Variants in IL23R observed in about 807,000 individuals in gnomAD.
The protein encoded by IL23R is interleukin 23 receptor.
In IL23R, 34 loss-of-function variants were observed where a neutral mutation model predicts 56.9. That is an observed-to-expected ratio of 0.60 (90% CI 0.45 to 0.80). The LOEUF (loss-of-function observed/expected upper bound fraction) is 0.80. IL23R is among the 30% of genes least tolerant of loss of function. IL23R has a pLI of 0.00. For missense variants in IL23R, 635 were observed against 730.0 expected, an observed-to-expected ratio of 0.87 and a Z score of 1.50; for synonymous variants, 230 against 249.2, an observed-to-expected ratio of 0.92 and a Z score of 0.73.
In IL23R at chr1:67,236,744, T is replaced by A; in HGVS notation, c.987T>A (p.His329Gln). 4 of 1,613,636 alleles carry A rather than the reference T, an allele frequency of 2.5e-6. No individual in the cohort carries two copies. Among genetic ancestry groups the A allele is most frequent in the Non-Finnish European group, 3.4e-6 (4 of 1,179,544 alleles). Residue 329 changes from histidine to glutamine, a missense_variant, in exon 8 of 11, where the codon CAT (histidine) becomes CAA (glutamine). Physicochemically the swap from His to Gln is conservative, Grantham distance 24 (BLOSUM62 0). Coordinates refer to ENST00000347310, the MANE Select transcript of IL23R (RefSeq NM_144701.3). ...AGGTCACATCAAAAGCATTCCAACATGACACATGGAATTCTGGGCTAACAG... is the reference window on the plus strand; with the variant it reads ...AGGTCACATCAAAAGCATTCCAACAAGACACATGGAATTCTGGGCTAACAG... ...VPQVTSKAFQ[H>Q]DTWNSGLTVA... is the part of the protein sequence containing the mutation.
At chr1:67,161,326 T>G (rs1646817426) in intron 1 of IL23R, among the ~76,000 whole-genome samples, 1 of 152,216 alleles carries the variant, frequency 6.6e-6, no homozygotes, top group Non-Finnish European at 1.5e-5. Context: ...TTCTTGTCTT[T>G]AATGTGTTCA....
At chr1:67,209,394 C>T (rs1310699135) in intron 6 of IL23R, among the ~76,000 whole-genome samples, 1 of 152,156 alleles carries the variant, frequency 6.6e-6, no homozygotes, top group Non-Finnish European at 1.5e-5. Context: ...TTGTATCTCC[C>T]AGAATTCCCA....
upstream of IL23R, among the ~76,000 whole-genome samples, chr1:67,165,691 C>T (rs2102549905): frequency 6.6e-6 from 1 of 152,304 alleles, no homozygotes; most frequent in Non-Finnish European, 1.5e-5. Flanking sequence ...GGGCATTATG[C>T]TAACTGAAAT....
At chr1:67,175,936 C>T (rs1289230394) in intron 3 of IL23R, among the ~76,000 whole-genome samples, 1 of 152,140 alleles carries the variant, frequency 6.6e-6, no homozygotes, top group Non-Finnish European at 1.5e-5. Context: ...GGAATCCTTC[C>T]AGCCTCAGCC....
At chr1:67,264,477 G>T (rs1329763071), downstream of IL23R, among the ~76,000 whole-genome samples, 1 of 152,126 alleles carries the variant, frequency 6.6e-6, no homozygotes, top group Admixed American at 6.5e-5. Flanking sequence ...TAAAATAAAA[G>T]AAGTGATTAA....
intron 1 of IL23R, among the ~76,000 whole-genome samples, chr1:67,148,110 A>G (rs1646695813): frequency 6.6e-6 from 1 of 152,258 alleles, no homozygotes; most frequent in Admixed American, 6.5e-5. Context: ...GCCGTGAAGG[A>G]ACAATGGCGA....
chr1:67,151,311 G>C (rs1432661185), intron 1 of IL23R, among the ~76,000 whole-genome samples: 1 of 152,100 alleles, frequency 6.6e-6, no homozygotes, highest in African/African-American at 2.4e-5. Context: ...GTTTTTTCTT[G>C]TAAATTTGTT....
At chr1:67,165,177 C>A (rs1356589839), upstream of IL23R, among the ~76,000 whole-genome samples, 1 of 152,156 alleles carries the variant, frequency 6.6e-6, no homozygotes, top group East Asian at 1.9e-4. Flanking sequence ...CCGCTGCACT[C>A]CAGCCTGTGT....
downstream of IL23R, among the ~76,000 whole-genome samples, chr1:67,263,863 CAA>C (rs11321157): frequency 8.4e-4 from 113 of 134,122 alleles, no homozygotes; most frequent in South Asian, 1.1e-3. Flanking sequence ...GACTCCATCG[CAA>C]AAAAAAAAAA....
At chr1:67,200,329 A>G (rs1446060959) in intron 4 of IL23R, among the ~76,000 whole-genome samples, 3 of 152,072 alleles carry the variant, frequency 2.0e-5, no homozygotes, top group Non-Finnish European at 4.4e-5. Context: ...AGCGTGAGCC[A>G]TAAATTCTAA....
intron 9 of IL23R, among the ~76,000 whole-genome samples, chr1:67,241,219 A>G (rs1004316876): frequency 1.3e-5 from 2 of 152,176 alleles, no homozygotes; most frequent in Admixed American, 6.5e-5. Context: ...ATGTACTTAT[A>G]TGGTCTTTAA....
At chr1:67,248,772 G>C (rs944688451) in intron 9 of IL23R, among the ~76,000 whole-genome samples, 1 of 152,102 alleles carries the variant, frequency 6.6e-6, no homozygotes, top group Non-Finnish European at 1.5e-5. Context: ...TGGGCTCTGT[G>C]GGGGTGGGAC....
chr1:67,150,254 T>TA (rs1201120805), intron 1 of IL23R, among the ~76,000 whole-genome samples: 1 of 149,468 alleles, frequency 6.7e-6, no homozygotes, highest in African/African-American at 2.5e-5. Flanking sequence ...CGAACTTTTT[T>TA]TTTTTTTTTT....
intron 9 of IL23R, among the ~76,000 whole-genome samples, chr1:67,253,524 G>A (rs1477576930): frequency 6.6e-6 from 1 of 152,128 alleles, no homozygotes; most frequent in Non-Finnish European, 1.5e-5. Flanking sequence ...TTATAATCAA[G>A]TGCAGTAGAA....
At chr1:67,174,765 C>T (rs1247793506) in intron 3 of IL23R, among the ~76,000 whole-genome samples, 1 of 151,984 alleles carries the variant, frequency 6.6e-6, no homozygotes, top group Admixed American at 6.6e-5. Flanking sequence ...GCTTTAGAGG[C>T]CCCCAAAACT....
At chr1:67,243,061 C>T (rs931716889) in intron 9 of IL23R, among the ~76,000 whole-genome samples, 5 of 152,202 alleles carry the variant, frequency 3.3e-5, no homozygotes, top group Admixed American at 2.0e-4. Flanking sequence ...CATTACAAGT[C>T]GTAAAATGCA....
At chr1:67,203,691 A>T (rs1311878791) in intron 5 of IL23R, among the ~76,000 whole-genome samples, 1 of 152,222 alleles carries the variant, frequency 6.6e-6, no homozygotes, top group Non-Finnish European at 1.5e-5. Context: ...GAATGAGACA[A>T]CGCAAATTAG....
At chr1:67,264,851 A>C (rs1653294503), downstream of IL23R, among the ~76,000 whole-genome samples, 1 of 152,242 alleles carries the variant, frequency 6.6e-6, no homozygotes, top group East Asian at 1.9e-4. Context: ...TCTCATAATT[A>C]GCATTTAGCA....
chr1:67,244,751 C>T (rs1272871770), intron 9 of IL23R, among the ~76,000 whole-genome samples: 1 of 152,146 alleles, frequency 6.6e-6, no homozygotes, highest in African/African-American at 2.4e-5. Flanking sequence ...AGCGTGATGC[C>T]TCCAGGTTTG....
Sources: gnomAD v4.1 joint callset for allele counts (sites outside exome capture counted in the v4.1 genomes callset) on GRCh38, gnomAD v4.1.1 for gene constraint, MANE v1.5 for transcripts, NCBI Gene and HGNC (gene_info 2026-07-23, HGNC 2026-07-21) for gene names.